Variants in MCPH1 observed in about 807,000 individuals in gnomAD.
MCPH1 encodes microcephalin 1, also known as microcephalin.
A neutral mutation model predicts 84.5 loss-of-function variants in MCPH1; 104 were observed. The ratio of observed to expected loss-of-function variants is 1.23; its 90% CI spans 1.05 to 1.45. MCPH1 has a LOEUF of 1.45. Ranked by LOEUF, MCPH1 falls within the 40% of genes most tolerant of loss-of-function variation. The pLI is 0.00. For missense variants in MCPH1, 1,498 were observed against 1,005.7 expected, an observed-to-expected ratio of 1.49 and a Z score of -6.62; for synonymous variants, 514 against 366.8, an observed-to-expected ratio of 1.40 and a Z score of -4.58.
At chr8:6,457,111 A>G (rs1585881363) in intron 9 of MCPH1, among the ~76,000 whole-genome samples, 1 of 152,240 alleles carries the variant, frequency 6.6e-6, no homozygotes, top group African/African-American at 2.4e-5. Context: ...TCTGCCTTCA[A>G]CTGCTGTGCT....
intron 13 of MCPH1, among the ~76,000 whole-genome samples, chr8:6,628,594 T>C (rs546566606): frequency 2.6e-5 from 4 of 152,058 alleles, no homozygotes; most frequent in Non-Finnish European, 5.9e-5. Flanking sequence ...TTATGTGTAT[T>C]AGAAATGTGG....
intron 13 of MCPH1, chr8:6,621,988 T>C (rs1490137077): frequency 2.3e-6 from 1 of 437,122 alleles, no homozygotes; most frequent in Non-Finnish European, 4.5e-6. Context: ...GCCACCCCTG[T>C]GGGCACAGAC....
At chr8:6,484,915 T>C (rs771223063) in intron 11 of MCPH1, among the ~76,000 whole-genome samples, 4 of 152,188 alleles carry the variant, frequency 2.6e-5, no homozygotes, top group South Asian at 2.1e-4. Flanking sequence ...CTTTGGGGCA[T>C]TGGAATTGTG....
chr8:6,502,792 T>A (rs1165551205), intron 12 of MCPH1: 6 of 366,862 alleles, frequency 1.6e-5, no homozygotes, highest in Non-Finnish European at 2.5e-5. Flanking sequence ...AACTTGCACA[T>A]AACATTCTTG....
chr8:6,473,740 G>A lies in MCPH1; in HGVS notation c.1936-3854G>A, dbSNP rs976811713. The A allele has an allele frequency of 7.0e-6, 4 of 572,828 alleles. No homozygotes were observed. In the Admixed American group the frequency reaches 1.4e-4, roughly 20 times the overall value. 35.5% of individuals were successfully genotyped at this position (572,828 alleles called of 1,614,324 possible). A position where few individuals can be genotyped will look rare whatever the true frequency, so the allele number is the denominator to read the frequency against. ...TTTATACTATCCGCCTGCTGGTCCT[G>A]CAACATGAGTTTAATAAAGCGTTCC... On this transcript the variant is annotated intron_variant, in intron 9 of 13. Coordinates refer to ENST00000344683, the MANE Select transcript of MCPH1 (RefSeq NM_024596.5).
chr8:6,631,469 CAAA>C (rs5889181), intron 13 of MCPH1, among the ~76,000 whole-genome samples: 1 of 149,006 alleles, frequency 6.7e-6, no homozygotes, highest in South Asian at 2.1e-4. Context: ...AACTCAACAA[CAAA>C]AAAAAAACCC....
rs571256658 is a variant in MCPH1 at position 6,475,103 on chromosome 8, C to T, written c.1936-2491C>T. On this transcript the variant is annotated intron_variant, in intron 9 of 13. Transcript: ENST00000344683. ...TATTTCTAAGCCAGTCAGAACAGAA[C>T]ATCCTTAAGAGCTATCACATTCTCA... 1.9e-4 allele frequency among the ~76,000 whole-genome samples: 29 copies of T among 152,300 alleles called. No homozygotes were observed. The South Asian group carries it at 5.6e-3, about 29-fold the overall frequency.
Position 6,480,822 on chromosome 8 carries a change from C to G in MCPH1, c.2082C>G (p.Thr694=). Residue 694 remains threonine (T), a synonymous_variant, in exon 11 of 14, where the codon ACC becomes ACG. Transcript: ENST00000344683. ...THVLSGKPLR[T]LNVLLGIARG... is the part of the protein sequence containing the mutation. ...TGCTTTCCGGGAAGCCACTTCGCAC[C>G]CTGAATGTGCTGCTGGGAATTGCGC... The G allele has an allele frequency of 1.2e-6, 2 of 1,614,174 alleles. No homozygotes were observed. Among genetic ancestry groups the G allele is most frequent in the African/African-American group, 1.3e-5 (1 of 75,032 alleles).
intron 13 of MCPH1, among the ~76,000 whole-genome samples, chr8:6,630,935 G>C (rs944247943): frequency 1.3e-5 from 2 of 152,138 alleles, no homozygotes; most frequent in Non-Finnish European, 2.9e-5. Flanking sequence ...GTAGCAAAAT[G>C]ACAGAAGAGG....
intron 12 of MCPH1, among the ~76,000 whole-genome samples, chr8:6,569,197 C>G (rs1826463993): frequency 6.6e-6 from 1 of 152,128 alleles, no homozygotes; most frequent in Non-Finnish European, 1.5e-5. Flanking sequence ...TTAATAAGAA[C>G]TAGAGAAATA....
intron 12 of MCPH1, chr8:6,502,983 C>G: frequency 8.1e-7 from 1 of 1,229,346 alleles, no homozygotes; most frequent in South Asian, 1.4e-5. Context: ...GTCCCGTCAG[C>G]ACCGAGCACA....
chr8:6,503,274 A>T, intron 12 of MCPH1: 2 of 1,614,030 alleles, frequency 1.2e-6, no homozygotes, highest in Non-Finnish European at 1.7e-6. Flanking sequence ...GTGAAAGTAA[A>T]ACACAGAAGG....
chr8:6,621,159 A>C, intron 12 of MCPH1: 1 of 443,556 alleles, frequency 2.3e-6, no homozygotes, highest in Non-Finnish European at 4.2e-6. Flanking sequence ...CTGTGCTAAC[A>C]GTTGCTTTTC....
At chr8:6,595,207 T>C (rs936672755) in intron 12 of MCPH1, among the ~76,000 whole-genome samples, 1 of 152,142 alleles carries the variant, frequency 6.6e-6, no homozygotes, top group Non-Finnish European at 1.5e-5. Flanking sequence ...TTGGGATATG[T>C]CAGGGAGTGA....
Position 6,481,104 on chromosome 8 carries a change from A to G in MCPH1, c.2136+228A>G, listed in dbSNP as rs140616360. On this transcript the variant is annotated intron_variant, in intron 11 of 13. Coordinates refer to ENST00000344683, the MANE Select transcript of MCPH1 (RefSeq NM_024596.5). Reference sequence around the variant, plus strand: ...CAGGAGGACGGGGAGGGTAGAGAGCAGGAAGTGAGTAGCCTCTAAGATAAA... The same window carrying G: ...CAGGAGGACGGGGAGGGTAGAGAGCGGGAAGTGAGTAGCCTCTAAGATAAA... 5.9e-3 allele frequency among the ~76,000 whole-genome samples: 895 copies of G among 152,328 alleles called. 9 individuals carry two copies. Among genetic ancestry groups the G allele is most frequent in the East Asian group, 0.022 (112 of 5,178 alleles).
At chr8:6,411,037 C>T (rs1798462006) in intron 2 of MCPH1, among the ~76,000 whole-genome samples, 1 of 152,098 alleles carries the variant, frequency 6.6e-6, no homozygotes, top group Admixed American at 6.5e-5. Flanking sequence ...TTGCATTGAG[C>T]CGAGATTGCA....
At chr8:6,524,694 A>G (rs964922419) in intron 12 of MCPH1, among the ~76,000 whole-genome samples, 5 of 152,240 alleles carry the variant, frequency 3.3e-5, no homozygotes, top group Non-Finnish European at 7.3e-5. Context: ...AGATGTTTTG[A>G]TGGTCTTCAC....
chr8:6,591,630 G>T (rs1009040226), intron 12 of MCPH1, among the ~76,000 whole-genome samples: 8 of 152,280 alleles, frequency 5.3e-5, no homozygotes, highest in African/African-American at 1.9e-4. Flanking sequence ...GTGAGGTACC[G>T]TATTCCAGGA....
chr8:6,492,794 ATTGAG>A (rs1489672877), intron 11 of MCPH1, among the ~76,000 whole-genome samples: 77 of 150,984 alleles, frequency 5.1e-4, no homozygotes, highest in Middle Eastern at 3.5e-3. Flanking sequence ...TGAATTATTG[ATTGAG>A]TTAAGTAATT....
Sources: allele counts gnomAD v4.1 joint callset (sites outside exome capture counted in the v4.1 genomes callset), GRCh38; gene constraint gnomAD v4.1.1; transcripts MANE v1.5; gene names NCBI Gene and HGNC (gene_info 2026-07-23, HGNC 2026-07-21).